LYPD6: variants seen among roughly 807,000 people sequenced by gnomAD.
LYPD6 encodes the protein LY6/PLAUR domain containing 6, also known as ly6/PLAUR domain-containing protein 6.
In LYPD6, 15 loss-of-function variants were observed where a neutral mutation model predicts 22.7. The ratio of observed to expected loss-of-function variants is 0.66; its 90% CI spans 0.44 to 1.02. The LOEUF is 1.02. Among genes scored for constraint, LYPD6 ranks in the 50% least tolerant of loss-of-function variants. The pLI is 0.00. For synonymous variants in LYPD6, 72 were observed against 77.5 expected, an observed-to-expected ratio of 0.93 and a Z score of 0.37; for missense variants, 189 against 208.4, an observed-to-expected ratio of 0.91 and a Z score of 0.57.
intron 1 of LYPD6, among the ~76,000 whole-genome samples, chr2:149,374,433 C>T (rs1277995900): frequency 6.6e-6 from 1 of 152,068 alleles, no homozygotes; most frequent in African/African-American, 2.4e-5. Context: ...ACATCTAGCC[C>T]TGGATCCTGG....
At chr2:149,413,658 T>TTG (rs1682900347) in intron 1 of LYPD6, among the ~76,000 whole-genome samples, 1 of 152,212 alleles carries the variant, frequency 6.6e-6, no homozygotes, top group Non-Finnish European at 1.5e-5. Context: ...TTTAATCTAG[T>TTG]TGTTAAAATT....
At chr2:149,356,428 T>TG (rs1447876471) in intron 1 of LYPD6, among the ~76,000 whole-genome samples, 1 of 152,140 alleles carries the variant, frequency 6.6e-6, no homozygotes, top group Non-Finnish European at 1.5e-5. Context: ...ACACGAGATG[T>TG]TTTCCTTCCC....
intron 1 of LYPD6, among the ~76,000 whole-genome samples, chr2:149,418,474 C>T (rs1252880633): frequency 2.7e-5 from 4 of 150,698 alleles, no homozygotes; most frequent in Non-Finnish European, 2.9e-5. Flanking sequence ...GGACATGGCC[C>T]TTTAAAATAA....
chr2:149,353,118 C>G (rs1413137293), intron 1 of LYPD6, among the ~76,000 whole-genome samples: 4 of 152,184 alleles, frequency 2.6e-5, no homozygotes. Flanking sequence ...TTGGCCTGCT[C>G]TTGGTAAAGT....
intron 1 of LYPD6, among the ~76,000 whole-genome samples, chr2:149,357,785 CTTTTTTT>C (rs530498136): frequency 7.8e-6 from 1 of 127,426 alleles, no homozygotes; most frequent in Non-Finnish European, 1.7e-5. Context: ...CTTTTCTTTG[CTTTTTTT>C]TTTTTTTTTT....
intron 1 of LYPD6, among the ~76,000 whole-genome samples, chr2:149,401,219 C>T (rs1251168897): frequency 6.6e-6 from 1 of 152,168 alleles, no homozygotes; most frequent in African/African-American, 2.4e-5. Flanking sequence ...CAGTATGGTT[C>T]CATCCAGTGG....
Position 149,443,772 on chromosome 2 carries a change from G to A in LYPD6, c.119-5277G>A, listed in dbSNP as rs1156519897. The stretch of plus-strand genomic sequence containing the variant: ...GTACAGGAATACCTTAGAGATTATT[G>A]CAGGATCAGTTCCAGACCACCACAA... On this transcript the variant is annotated intron_variant, in intron 2 of 4. Transcript: ENST00000334166. Among the ~76,000 whole-genome samples, 4 of 151,688 alleles carry A rather than the reference G, an allele frequency of 2.6e-5. No individual in the cohort carries two copies. In the East Asian group the frequency reaches 7.7e-4, roughly 29 times the overall value.
chr2:149,404,642 G>C (rs1368635955), intron 1 of LYPD6, among the ~76,000 whole-genome samples: 2 of 152,120 alleles, frequency 1.3e-5, no homozygotes, highest in Non-Finnish European at 2.9e-5. Context: ...GGCTGAGACA[G>C]TGGGGTTTTC....
intron 1 of LYPD6, among the ~76,000 whole-genome samples, chr2:149,352,226 G>T (rs1358185759): frequency 6.6e-6 from 1 of 152,182 alleles, no homozygotes; most frequent in Admixed American, 6.5e-5. Context: ...TGCCATATCC[G>T]ATAGTTGTCT....
chr2:149,381,025 A>AGTAT (rs1185630073), intron 1 of LYPD6, among the ~76,000 whole-genome samples: 1 of 152,200 alleles, frequency 6.6e-6, no homozygotes, highest in Non-Finnish European at 1.5e-5. Flanking sequence ...AGAACTGAGC[A>AGTAT]GTATATTGAG....
chr2:149,418,922 CTT>C (rs1344012675), intron 1 of LYPD6, among the ~76,000 whole-genome samples: 2 of 152,188 alleles, frequency 1.3e-5, no homozygotes, highest in Non-Finnish European at 2.9e-5. Context: ...TGGCTGAAGA[CTT>C]TTAAAACCTG....
intron 3 of LYPD6, among the ~76,000 whole-genome samples, chr2:149,460,200 T>A (rs1239818606): frequency 6.6e-6 from 1 of 152,150 alleles, no homozygotes; most frequent in African/African-American, 2.4e-5. Flanking sequence ...ACCTTAAATG[T>A]AAATGGCATA....
At chr2:149,331,925 A>G (rs1680946821) in intron 1 of LYPD6, among the ~76,000 whole-genome samples, 1 of 152,182 alleles carries the variant, frequency 6.6e-6, no homozygotes, top group Admixed American at 6.5e-5. Flanking sequence ...CAATTCCCTT[A>G]AAGCCATTAC....
chr2:149,413,808 G>A (rs1392779413), intron 1 of LYPD6, among the ~76,000 whole-genome samples: 1 of 152,184 alleles, frequency 6.6e-6, no homozygotes, highest in Admixed American at 6.5e-5. Context: ...ATGTGACTGT[G>A]GGTTTTGGGG....
chr2:149,354,028 G>A (rs1681406445), intron 1 of LYPD6, among the ~76,000 whole-genome samples: 1 of 152,118 alleles, frequency 6.6e-6, no homozygotes, highest in Admixed American at 6.5e-5. Flanking sequence ...TAGTGATAGG[G>A]TCTGGTGTCA....
At chr2:149,412,613 CAT>C in intron 1 of LYPD6, among the ~76,000 whole-genome samples, 1 of 152,244 alleles carries the variant, frequency 6.6e-6, no homozygotes, top group Non-Finnish European at 1.5e-5. Flanking sequence ...GCAGCATAAA[CAT>C]AGCATCTAAG....
the LYPD6 span, among the ~76,000 whole-genome samples, chr2:149,483,065 G>A: frequency 6.6e-6 from 1 of 152,168 alleles, no homozygotes; most frequent in Non-Finnish European, 1.5e-5. Context: ...GGTTTGTCAA[G>A]ATTGCATCTG....
chr2:149,345,517 A>G (rs1256924012), intron 1 of LYPD6, among the ~76,000 whole-genome samples: 2 of 146,738 alleles, frequency 1.4e-5, no homozygotes, highest in East Asian at 4.0e-4. Flanking sequence ...GGGTTTCACC[A>G]TGTTAGCCAG....
chr2:149,353,208 T>A (rs1377695381), intron 1 of LYPD6, among the ~76,000 whole-genome samples: 1 of 152,250 alleles, frequency 6.6e-6, no homozygotes, highest in African/African-American at 2.4e-5. Flanking sequence ...GTTCAATGTT[T>A]ATCATTGAGT....
Sources: gnomAD v4.1 joint callset for allele counts (sites outside exome capture counted in the v4.1 genomes callset) on GRCh38, gnomAD v4.1.1 for gene constraint, MANE v1.5 for transcripts, NCBI Gene and HGNC (gene_info 2026-07-23, HGNC 2026-07-21) for gene names.